Variants in SEMA5A observed in about 807,000 individuals in gnomAD.
The protein encoded by SEMA5A is semaphorin-5A.
A neutral mutation model predicts 135.5 loss-of-function variants in SEMA5A; 55 were observed. That is an observed-to-expected ratio of 0.41 (90% CI 0.33 to 0.51). The LOEUF is 0.51. Ranked by LOEUF, SEMA5A falls within the 20% of genes least tolerant of loss-of-function variation. The pLI is 0.37. For synonymous variants in SEMA5A, 580 were observed against 546.5 expected (o/e 1.06, Z -0.85); for missense variants, 1,290 against 1,419.9 (o/e 0.91, Z 1.47).
chr5:9,355,227 G>GT (rs1418456952), intron 3 of SEMA5A, among the ~76,000 whole-genome samples: 1 of 151,682 alleles, frequency 6.6e-6, no homozygotes, highest in Non-Finnish European at 1.5e-5. Context: ...TGCAGCTATA[G>GT]TTTTGCCAAC....
chr5:9,303,519 A>G (rs1292411360), intron 5 of SEMA5A, among the ~76,000 whole-genome samples: 2 of 152,196 alleles, frequency 1.3e-5, no homozygotes, highest in African/African-American at 2.4e-5. Flanking sequence ...GTTTACACAC[A>G]TAGATACATG....
intron 15 of SEMA5A, among the ~76,000 whole-genome samples, chr5:9,109,063 C>T (rs1367035183): frequency 2.7e-5 from 2 of 75,134 alleles, no homozygotes; most frequent in East Asian, 6.8e-4. Context: ...TTTTTTGAGA[C>T]GGAGTCTCGC....
In SEMA5A at chr5:9,151,136, C is replaced by T. The variant is rs572744943; in HGVS notation, c.1481+3352G>A. On this transcript the variant is annotated intron_variant, in intron 12 of 22. Transcript: ENST00000382496. ...ACTTTCAGGATTGACATAATAATCC[C>T]GCCAAATTCTCACAAAATCTAGCAT... 3.9e-5 allele frequency among the ~76,000 whole-genome samples: 6 copies of T among 152,216 alleles called. No individual in the cohort carries two copies. The South Asian group carries it at 8.3e-4, about 21-fold the overall frequency.
intron 11 of SEMA5A, among the ~76,000 whole-genome samples, chr5:9,188,311 GT>G (rs774813460): frequency 1.3e-5 from 2 of 152,166 alleles, no homozygotes; most frequent in Non-Finnish European, 2.9e-5. Context: ...AATTTCCGTT[GT>G]TTAAGCCACC....
intron 11 of SEMA5A, among the ~76,000 whole-genome samples, chr5:9,179,347 T>C (rs1000456022): frequency 1.3e-5 from 2 of 152,156 alleles, no homozygotes. Flanking sequence ...ATACTAATCA[T>C]GTGAAACCTG....
intron 4 of SEMA5A, among the ~76,000 whole-genome samples, chr5:9,337,326 C>T (rs1199458886): frequency 1.3e-5 from 2 of 152,196 alleles, no homozygotes; most frequent in Admixed American, 6.6e-5. Flanking sequence ...GTCAAACTGA[C>T]TGGGTTTGGA....
chr5:9,467,093 C>T (rs1281383965), intron 1 of SEMA5A, among the ~76,000 whole-genome samples: 8 of 152,146 alleles, frequency 5.3e-5, no homozygotes, highest in African/African-American at 1.7e-4. Flanking sequence ...ATGCCAAGAA[C>T]AGGGAGATGA....
At chr5:9,135,683 G>A (rs546580113) in intron 13 of SEMA5A, among the ~76,000 whole-genome samples, 1 of 152,278 alleles carries the variant, frequency 6.6e-6, no homozygotes, top group African/African-American at 2.4e-5. Context: ...GATGGGCAGA[G>A]ATCAGCAGTT....
Position 9,190,319 on chromosome 5 carries a change from G to T in SEMA5A, c.1221C>A (p.Val407=), listed in dbSNP as rs749526204. The T allele has an allele frequency of 4.3e-6, 7 of 1,614,058 alleles. No homozygotes were observed. Among genetic ancestry groups the T allele is most frequent in the Non-Finnish European group, 5.1e-6 (6 of 1,180,018 alleles). The change falls in exon 11 of 23, where the codon GTC becomes GTA. Residue 407 remains valine, a synonymous_variant. Coordinates refer to ENST00000382496, the MANE Select transcript of SEMA5A (RefSeq NM_003966.3). ...GCGCTTCTCTGCCCTGCACCACGTC[G>T]ACTGCCACGTGGGAAAAGCGGCTAT... is the stretch of plus-strand genomic sequence containing the variant. ...EDNSRFSHVA[V]DVVQGREALV...
chr5:9,055,456 G>T (rs1411633284), intron 18 of SEMA5A, among the ~76,000 whole-genome samples: 1 of 152,152 alleles, frequency 6.6e-6, no homozygotes, highest in Non-Finnish European at 1.5e-5. Flanking sequence ...AGGAGCAAGA[G>T]GATGCCAAAA....
intron 1 of SEMA5A, among the ~76,000 whole-genome samples, chr5:9,481,310 C>T (rs1759868087): frequency 6.6e-6 from 1 of 152,094 alleles, no homozygotes. Context: ...TTTAACTTTG[C>T]TCACAATTTA....
intron 5 of SEMA5A, among the ~76,000 whole-genome samples, chr5:9,254,576 G>T (rs1213207809): frequency 6.6e-6 from 1 of 152,132 alleles, no homozygotes; most frequent in Non-Finnish European, 1.5e-5. Flanking sequence ...TGGAAAAACA[G>T]GAAAGGTCAG....
chr5:9,076,346 C>CA (rs1738057929), intron 16 of SEMA5A, among the ~76,000 whole-genome samples: 1 of 151,608 alleles, frequency 6.6e-6, no homozygotes, highest in Non-Finnish European at 1.5e-5. Context: ...ATGCCAGAGC[C>CA]AAAAAAAGTT....
At chr5:9,135,492 C>A (rs1185021159) in intron 13 of SEMA5A, among the ~76,000 whole-genome samples, 2 of 152,044 alleles carry the variant, frequency 1.3e-5, no homozygotes, top group East Asian at 3.9e-4. Context: ...GGTTTTCCGA[C>A]TTTCAAGCTG....
intron 13 of SEMA5A, among the ~76,000 whole-genome samples, chr5:9,134,615 G>A (rs1334941179): frequency 6.6e-6 from 1 of 152,208 alleles, no homozygotes; most frequent in Non-Finnish European, 1.5e-5. Context: ...CTGCTGGGAA[G>A]CTCCCATTAC....
chr5:9,114,477 G>T (rs896459832), intron 15 of SEMA5A, among the ~76,000 whole-genome samples: 5 of 152,120 alleles, frequency 3.3e-5, no homozygotes, highest in African/African-American at 1.2e-4. Context: ...GTGTGTGTGT[G>T]TGTAAAAGCA....
intron 16 of SEMA5A, 33 bp from the exon 17 acceptor site, chr5:9,066,679 C>A (rs781085261): frequency 2.5e-6 from 4 of 1,598,614 alleles, no homozygotes; most frequent in South Asian, 1.1e-5. Flanking sequence ...TGTTACTATA[C>A]GGGGTAAACA....
intron 2 of SEMA5A, among the ~76,000 whole-genome samples, chr5:9,407,607 C>T (rs1756937606): frequency 6.6e-6 from 1 of 152,174 alleles, no homozygotes; most frequent in Admixed American, 6.5e-5. Context: ...CTTTGCTTTG[C>T]TAATGACAAC....
intron 5 of SEMA5A, chr5:9,280,673 C>G (rs1042671324): frequency 1.8e-5 from 4 of 223,480 alleles, no homozygotes; most frequent in Non-Finnish European, 2.8e-5. Context: ...AATTGGATAC[C>G]TCTGAAATTA....
Sources: gnomAD v4.1 joint callset for allele counts (sites outside exome capture counted in the v4.1 genomes callset) on GRCh38, gnomAD v4.1.1 for gene constraint, MANE v1.5 for transcripts, NCBI Gene and HGNC (gene_info 2026-07-23, HGNC 2026-07-21) for gene names.